The following ZMIZ2 variants were observed in gnomAD, a reference collection of about 807,000 sequenced individuals.
The protein encoded by ZMIZ2 is zinc finger MIZ domain-containing protein 2.
ZMIZ2 carries 26 observed loss-of-function variants against 93.9 expected under a neutral mutation model. That is an observed-to-expected ratio of 0.28 (90% CI 0.20 to 0.38). The LOEUF (loss-of-function observed/expected upper bound fraction) is 0.38, where lower values mean the gene tolerates loss of function less well. Among genes scored for constraint, ZMIZ2 ranks in the 10% least tolerant of loss-of-function variants. ZMIZ2 has a pLI of 1.00. For missense variants in ZMIZ2, 1,023 were observed against 1,235.0 expected (o/e 0.83, Z 2.57); for synonymous variants, 485 against 516.4 (o/e 0.94, Z 0.82).
At chr7:44,756,679 G>C (rs1370580972) in intron 3 of ZMIZ2, 140 bp downstream of exon 3, 2 of 914,076 alleles carry the variant, frequency 2.2e-6, no homozygotes, top group Non-Finnish European at 3.3e-6. Context: ...ATATGAGGAT[G>C]GGGCCTCCTG....
chr7:44,766,535 G>C lies in ZMIZ2; in HGVS notation c.2527G>C (p.Ala843Pro), dbSNP rs2116907999. 6.2e-7 allele frequency: 1 copy of C among 1,614,056 alleles called. No individual in the cohort carries two copies. The highest frequency in any genetic ancestry group is 1.1e-5 in the South Asian group (1 of 91,084). ...GCTGCACCATTCAAACCCTCCCCCA[G>C]CGTCCCGGCAGTCCTTGGGCCAAGC... Reference protein sequence around the residue: ...PQLHHSNPPPASRQSLGQASL... With the variant: ...PQLHHSNPPPPSRQSLGQASL... Residue 843 changes from alanine (A) to proline (P), a missense_variant, in exon 18 of 19, where the codon GCG (alanine) becomes CCG (proline). Coordinates refer to ENST00000309315, the MANE Select transcript of ZMIZ2 (RefSeq NM_031449.4). The surrounding 1 kb of genome is among the most constrained non-coding windows in gnomAD (Gnocchi z 4.4).
chr7:44,767,330 T>C (rs1010191920), intron 18 of ZMIZ2, among the ~76,000 whole-genome samples, 186 bp from the exon 19 acceptor site: 2 of 151,890 alleles, frequency 1.3e-5, no homozygotes, highest in Non-Finnish European at 1.5e-5. Context: ...TCCCAGGGGG[T>C]GGCGTGTGCC....
At chr7:44,754,131 C>T (rs146415853) in intron 1 of ZMIZ2, among the ~76,000 whole-genome samples, 277 of 152,336 alleles carry the variant, frequency 1.8e-3, no homozygotes, top group Middle Eastern at 6.8e-3. Flanking sequence ...CCCAGCAGTT[C>T]TGGGGAGGAG....
rs1789873509 is a variant in ZMIZ2 at position 44,748,955 on chromosome 7, G to C, written c.-99G>C. 1 of 148,834 alleles carries C rather than the reference G, an allele frequency of 6.7e-6. No homozygotes were observed. The highest frequency in any genetic ancestry group is 1.9e-4 in the East Asian group (1 of 5,138). The allele number at this position is 148,834 out of a possible 1,614,324, so 9.2% of individuals were successfully genotyped here. On this transcript the variant is annotated 5_prime_UTR_variant, in exon 1 of 19. Transcript: ENST00000309315. ...GCGCATGGAGCGGCGCGGGCCGGGG[G>C]CCGCCACGGCGAGGGGCCGGGCCAG... is the stretch of plus-strand genomic sequence containing the variant.
Position 44,757,425 on chromosome 7 carries a change from G to A in ZMIZ2, c.416G>A (p.Arg139Lys). 2 of 1,605,210 alleles carry A rather than the reference G, an allele frequency of 1.2e-6. No individual in the cohort carries two copies. The highest frequency in any genetic ancestry group is 1.7e-6 in the Non-Finnish European group (2 of 1,179,884). ...GGLGLPSHAA[R>K]PSTDFTQAAA... The stretch of plus-strand genomic sequence containing the variant: ...CTGGGCCTCCCCTCACATGCTGCAA[G>A]ACCCTCCACTGACTTCACGCAAGCG... The change falls in exon 5 of 19, where the codon AGA becomes AAA. Residue 139 changes from arginine to lysine, a missense_variant. By Grantham distance (26) the Arg-to-Lys change is conservative (BLOSUM62 2). Coordinates refer to ENST00000309315, the MANE Select transcript of ZMIZ2 (RefSeq NM_031449.4).
chr7:44,757,345 G>A (rs376945180), intron 4 of ZMIZ2, 33 bp from the exon 5 acceptor site: 47 of 1,588,756 alleles, frequency 3.0e-5, no homozygotes, highest in Non-Finnish European at 3.8e-5. Flanking sequence ...ATGAGCCCAC[G>A]CAGAGAGCGT....
rs1308649681 is a variant in ZMIZ2 at position 44,765,825 on chromosome 7, G to T, written c.2242+246G>T. On this transcript the variant is annotated intron_variant, in intron 16 of 18. Coordinates refer to ENST00000309315, the MANE Select transcript of ZMIZ2 (RefSeq NM_031449.4). The surrounding 1 kb of genome is among the most constrained non-coding windows in gnomAD (Gnocchi z 4.1). ...GTGGGGCCTCCACCCTTCCTTCCCC[G>T]TTTGGATTAAGGGGCTCCTGGCTGG... The T allele has an allele frequency of 3.7e-6, 4 of 1,068,230 alleles. No individual in the cohort carries two copies. Among genetic ancestry groups the T allele is most frequent in the Non-Finnish European group, 5.2e-6 (4 of 771,528 alleles). The allele number at this position is 1,068,230 out of a possible 1,614,324, so 66.2% of individuals were successfully genotyped here.
At chr7:44,751,328 T>G (rs921406703) in intron 1 of ZMIZ2, among the ~76,000 whole-genome samples, 8 of 152,260 alleles carry the variant, frequency 5.3e-5, no homozygotes, top group African/African-American at 1.9e-4. Context: ...ATTCTGGGCT[T>G]AGGCCCCAGC....
intron 11 of ZMIZ2, among the ~76,000 whole-genome samples, chr7:44,762,481 G>A (rs987690534): frequency 2.6e-5 from 4 of 152,178 alleles, no homozygotes; most frequent in African/African-American, 9.7e-5. Flanking sequence ...GGACGGGTTG[G>A]CCACACACCA....
Position 44,761,650 on chromosome 7 carries a change from C to T in ZMIZ2, c.1386-45C>T. On this transcript the variant is annotated intron_variant, in intron 10 of 18. Coordinates refer to ENST00000309315, the MANE Select transcript of ZMIZ2 (RefSeq NM_031449.4). This position sits in a 1 kb window ranked among gnomAD's most constrained non-coding sequence, Gnocchi z 5.8. ...ACGAGGCTCTGTTCCTCCTCCCACACTCTCAGGGCCCGTTTTCTGGGTGTC... is the reference window on the plus strand; with the variant it reads ...ACGAGGCTCTGTTCCTCCTCCCACATTCTCAGGGCCCGTTTTCTGGGTGTC... 6.2e-7 allele frequency: 1 copy of T among 1,613,372 alleles called. No individual in the cohort carries two copies. The highest frequency in any genetic ancestry group is 8.5e-7 in the Non-Finnish European group (1 of 1,179,568).
chr7:44,767,810 G>A lies in ZMIZ2; in HGVS notation c.*187G>A, dbSNP rs1490476458. On this transcript the variant is annotated 3_prime_UTR_variant, in exon 19 of 19. Transcript: ENST00000309315. ...GAAGCAGCCCTGTGCTCGATGGGAG[G>A]GGCTCCCAGGCCGGCAGCCCTTGCC... 1.6e-6 allele frequency: 1 copy of A among 614,096 alleles called. No homozygotes were observed. The highest frequency in any genetic ancestry group is 2.9e-6 in the Non-Finnish European group (1 of 348,176). 38.0% of individuals were successfully genotyped at this position (614,096 alleles called of 1,614,324 possible). A position where few individuals can be genotyped will look rare whatever the true frequency, so the allele number is the denominator to read the frequency against.
intron 1 of ZMIZ2, among the ~76,000 whole-genome samples, chr7:44,753,830 TGA>T (rs952432643): frequency 6.6e-6 from 1 of 152,244 alleles, no homozygotes; most frequent in Non-Finnish European, 1.5e-5. Context: ...TAAACCATTT[TGA>T]GTTACTTTCT....
rs1157979611 is a variant in ZMIZ2, at chr7:44,757,042, G to A, written c.261G>A (p.Gln87=). The A allele has an allele frequency of 6.2e-7, 1 of 1,611,550 alleles. No homozygotes were observed. Among genetic ancestry groups the A allele is most frequent in the Non-Finnish European group, 8.5e-7 (1 of 1,179,136 alleles). Residue 87 remains glutamine, a synonymous_variant, in exon 4 of 19, where the codon CAG becomes CAA. Transcript: ENST00000309315. ...GCAGCTCCGCCTTGACCTCCCCACA[G>A]TGCCTGGGACAGCAGGCGTTTGCTG... ...AGGSSALTSP[Q]CLGQQAFAEG...
rs752285980 is a variant in ZMIZ2, at chr7:44,761,793, C to T, written c.1484C>T (p.Pro495Leu). ...ASVQVSVNAT[P>L]LTIERGDNKT... ...GTGCAGGTCAGCGTCAATGCCACGC[C>T]GCTCACCATCGAGCGTGGCGACAAC... Residue 495 changes from proline (P) to leucine (L), a missense_variant, in exon 11 of 19, where the codon CCG becomes CTG. By Grantham distance (98) the Pro-to-Leu change is moderately conservative (BLOSUM62 -3). This residue lies in a region of ZMIZ2 where 656 missense variants were observed against 777.1 expected (regional missense o/e 0.84). Coordinates refer to ENST00000309315, the MANE Select transcript of ZMIZ2 (RefSeq NM_031449.4). The surrounding 1 kb of genome is among the most constrained non-coding windows in gnomAD (Gnocchi z 5.8). 30 of 1,613,808 alleles carry T rather than the reference C, an allele frequency of 1.9e-5. No individual in the cohort carries two copies. Among genetic ancestry groups the T allele is most frequent in the Non-Finnish European group, 2.4e-5 (28 of 1,180,032 alleles).
chr7:44,766,810 A>G lies in ZMIZ2; in HGVS notation c.2655+147A>G, dbSNP rs567946250. The G allele has an allele frequency of 1.7e-5, 23 of 1,331,140 alleles. No homozygotes were observed. In the East Asian group the frequency reaches 4.7e-4, roughly 27 times the overall value. 82.5% of individuals were successfully genotyped at this position (1,331,140 alleles called of 1,614,324 possible). On this transcript the variant is annotated intron_variant, in intron 18 of 18. Transcript: ENST00000309315. The surrounding 1 kb of genome is among the most constrained non-coding windows in gnomAD (Gnocchi z 4.4). Reference sequence around the variant, plus strand: ...AACTAAATGCAGCTTTTGTTCATGAATTAGATACCTGGAGTAGCTGCGGGT... The same window carrying G: ...AACTAAATGCAGCTTTTGTTCATGAGTTAGATACCTGGAGTAGCTGCGGGT...
At chr7:44,764,862 G>A in intron 14 of ZMIZ2, 79 bp from the exon 15 acceptor site, 1 of 1,489,158 alleles carries the variant, frequency 6.7e-7, no homozygotes. Flanking sequence ...ACAGCTGACA[G>A]GGCTGAGAAA....
chr7:44,750,161 T>C (rs1790012052), intron 1 of ZMIZ2, among the ~76,000 whole-genome samples: 1 of 152,188 alleles, frequency 6.6e-6, no homozygotes, highest in Non-Finnish European at 1.5e-5. Flanking sequence ...AAGGTGGTCA[T>C]GTGTCCTCAG....
chr7:44,767,987 T>C lies in ZMIZ2; in HGVS notation c.*364T>C. On this transcript the variant is annotated 3_prime_UTR_variant, in exon 19 of 19. Coordinates refer to ENST00000309315, the MANE Select transcript of ZMIZ2 (RefSeq NM_031449.4). ...CACCCCTGCCTGCCCCCACCCAGCC[T>C]GCTTCTTGTCCAGCATTGATCCTTC... 2 of 351,060 alleles carry C rather than the reference T, an allele frequency of 5.7e-6. No homozygotes were observed. The highest frequency in any genetic ancestry group is 5.5e-6 in the Non-Finnish European group (1 of 182,916). The allele number at this position is 351,060 out of a possible 1,614,324, so 21.7% of individuals were successfully genotyped here. A position where few individuals can be genotyped will look rare whatever the true frequency, so the allele number is the denominator to read the frequency against.
At chr7:44,757,712 G>T in intron 5 of ZMIZ2, 136 bp from the exon 6 acceptor site, 2 of 1,423,284 alleles carry the variant, frequency 1.4e-6, no homozygotes, top group South Asian at 3.0e-5. Context: ...AGGAGTGAGG[G>T]TCTGAGGGGA....
Sources: gnomAD v4.1 joint callset for allele counts (sites outside exome capture counted in the v4.1 genomes callset) on GRCh38, gnomAD v4.1.1 for gene constraint, gnomAD v4.1.1 regional missense constraint, Gnocchi (gnomAD v3.1) non-coding constraint, MANE v1.5 for transcripts, NCBI Gene and HGNC (gene_info 2026-07-23, HGNC 2026-07-21) for gene names.